The following RYR3 variants were observed in gnomAD, a reference collection of about 807,000 sequenced individuals.
RYR3 encodes ryanodine receptor 3.
Under a neutral mutation model 584.3 loss-of-function variants are expected in RYR3, and 207 were observed. The observed-to-expected ratio is 0.35, with a 90% CI of 0.32 to 0.40. The LOEUF (loss-of-function observed/expected upper bound fraction) is 0.40. Ranked by LOEUF, RYR3 falls within the 10% of genes least tolerant of loss-of-function variation. The pLI, the probability that RYR3 is intolerant of heterozygous loss-of-function variation, is 1.00. For missense variants in RYR3, 5,616 were observed against 6,089.2 expected, an observed-to-expected ratio of 0.92 and a Z score of 2.59; for synonymous variants, 2,416 against 2,248.5, an observed-to-expected ratio of 1.07 and a Z score of -2.11.
intron 1 of RYR3, among the ~76,000 whole-genome samples, chr15:33,316,828 A>C (rs939558224): frequency 1.3e-5 from 2 of 152,342 alleles, no homozygotes; most frequent in Admixed American, 1.3e-4. Flanking sequence ...AAACCAGCCC[A>C]GTTGCCGCCA....
chr15:33,629,004 G>T (rs1378163669), intron 21 of RYR3, among the ~76,000 whole-genome samples: 2 of 152,198 alleles, frequency 1.3e-5, no homozygotes, highest in Non-Finnish European at 2.9e-5. Flanking sequence ...CATGATTTGT[G>T]TAAGGTCATG....
intron 18 of RYR3, among the ~76,000 whole-genome samples, chr15:33,606,753 A>T (rs146002833): frequency 2.6e-5 from 4 of 152,172 alleles, no homozygotes; most frequent in African/African-American, 7.2e-5. Flanking sequence ...AATTCTGCTC[A>T]GAGCAGCCTA....
In RYR3 at chr15:33,823,745, G is replaced by A. The variant is rs570612376; in HGVS notation, c.11072+673G>A. Among the ~76,000 whole-genome samples, 3 of 152,226 alleles carry A rather than the reference G, an allele frequency of 2.0e-5. No individual in the cohort carries two copies. In the East Asian group the frequency reaches 5.8e-4, roughly 29 times the overall value. The stretch of plus-strand genomic sequence containing the variant: ...TGATACTTGCTGAATTCAGAGATGA[G>A]CCAGAATCTAAGAAAAGTGTCAGCT... On this transcript the variant is annotated intron_variant, in intron 81 of 103. Coordinates refer to ENST00000634891, the MANE Select transcript of RYR3 (RefSeq NM_001036.6).
chr15:33,552,113 C>G (rs926390315), intron 10 of RYR3, among the ~76,000 whole-genome samples: 2 of 152,122 alleles, frequency 1.3e-5, no homozygotes, highest in African/African-American at 4.8e-5. Flanking sequence ...AGGTCTTTAC[C>G]ATTTCAAAAA....
Position 33,603,197 on chromosome 15 carries a change from T to A in RYR3, c.1997T>A (p.Ile666Asn). The A allele has an allele frequency of 6.2e-7, 1 of 1,613,936 alleles. No individual in the cohort carries two copies. Among genetic ancestry groups the A allele is most frequent in the Non-Finnish European group, 8.5e-7 (1 of 1,179,848 alleles). ...QYKKWYFELI[I>N]DQVDPFLTAE... is the part of the protein sequence containing the mutation. ...AAGAAGTGGTACTTCGAGCTGATTA[T>A]CGACCAGGTGGACCCCTTCCTAACA... The change falls in exon 18 of 104, where the codon ATC (isoleucine) becomes AAC (asparagine). Residue 666 changes from isoleucine to asparagine, a missense_variant. Around this residue, in one of 9 missense-constraint regions of RYR3, gnomAD observed 1,284 missense variants for 1,344.6 expected, o/e 0.95. Coordinates refer to ENST00000634891, the MANE Select transcript of RYR3 (RefSeq NM_001036.6).
At chr15:33,784,784 C>T (rs545446455) in intron 65 of RYR3, among the ~76,000 whole-genome samples, 1 of 152,312 alleles carries the variant, frequency 6.6e-6, no homozygotes, top group East Asian at 1.9e-4. Flanking sequence ...AGGATGCTTC[C>T]AGTCTTCCTC....
chr15:33,449,366 G>A (rs1209375587), intron 1 of RYR3, among the ~76,000 whole-genome samples: 1 of 152,154 alleles, frequency 6.6e-6, no homozygotes, highest in Non-Finnish European at 1.5e-5. Flanking sequence ...GAGACAGAAA[G>A]AGGGGTCGTA....
intron 1 of RYR3, among the ~76,000 whole-genome samples, chr15:33,411,218 C>G (rs937526492): frequency 1.3e-5 from 2 of 152,130 alleles, no homozygotes; most frequent in Admixed American, 1.3e-4. Flanking sequence ...TTACCTAGGG[C>G]TGAAGTTGTC....
intron 1 of RYR3, among the ~76,000 whole-genome samples, chr15:33,320,534 A>T (rs150481107): frequency 2.0e-5 from 3 of 152,208 alleles, no homozygotes; most frequent in Non-Finnish European, 2.9e-5. Flanking sequence ...GCTCAGACTT[A>T]CTTTGAGGTA....
chr15:33,456,347 T>C (rs1473142211), intron 1 of RYR3, among the ~76,000 whole-genome samples: 1 of 151,560 alleles, frequency 6.6e-6, no homozygotes, highest in Non-Finnish European at 1.5e-5. Context: ...CACTGACTGT[T>C]TGTAGGCAGC....
intron 4 of RYR3, among the ~76,000 whole-genome samples, chr15:33,532,625 G>C (rs2054982112): frequency 6.6e-6 from 1 of 151,980 alleles, no homozygotes; most frequent in East Asian, 1.9e-4. Context: ...ATATAAAATA[G>C]CAGTATCAAA....
intron 1 of RYR3, among the ~76,000 whole-genome samples, chr15:33,339,449 G>A (rs1233328963): frequency 1.3e-5 from 2 of 152,224 alleles, no homozygotes; most frequent in Non-Finnish European, 2.9e-5. Context: ...TGGTAGCCAG[G>A]ATGAAGAAGA....
chr15:33,677,110 C>T (rs1050551082), intron 38 of RYR3, among the ~76,000 whole-genome samples: 2 of 152,090 alleles, frequency 1.3e-5, no homozygotes, highest in Admixed American at 6.5e-5. Flanking sequence ...AAAAATAATT[C>T]GGACAAAGTC....
intron 1 of RYR3, among the ~76,000 whole-genome samples, chr15:33,416,424 T>C (rs2043814267): frequency 6.6e-6 from 1 of 152,228 alleles, no homozygotes; most frequent in South Asian, 2.1e-4. Flanking sequence ...TATCTCATTG[T>C]GGTTTTTATT....
chr15:33,391,545 G>A (rs1359918825), intron 1 of RYR3, among the ~76,000 whole-genome samples: 1 of 151,050 alleles, frequency 6.6e-6, no homozygotes, highest in East Asian at 1.9e-4. Flanking sequence ...AGAATGACGT[G>A]AACCTGGGAG....
chr15:33,459,302 T>C (rs895131694), intron 1 of RYR3, among the ~76,000 whole-genome samples: 6 of 152,264 alleles, frequency 3.9e-5, no homozygotes, highest in Non-Finnish European at 7.3e-5. Flanking sequence ...AAATGAGTTA[T>C]ATCCCTTCCT....
chr15:33,633,134 T>A, intron 24 of RYR3, 26 bp downstream of exon 24: 1 of 1,608,290 alleles, frequency 6.2e-7, no homozygotes, highest in Non-Finnish European at 8.5e-7. Flanking sequence ...TCAGGCATGC[T>A]GGAAAACTTA....
intron 3 of RYR3, among the ~76,000 whole-genome samples, chr15:33,527,172 C>A (rs2054460756): frequency 6.6e-6 from 1 of 152,094 alleles, no homozygotes; most frequent in East Asian, 1.9e-4. Context: ...AGGCCAAATC[C>A]AGACTATGGC....
chr15:33,543,976 C>A (rs370981605), intron 8 of RYR3, among the ~76,000 whole-genome samples: 1 of 152,140 alleles, frequency 6.6e-6, no homozygotes, highest in African/African-American at 2.4e-5. Flanking sequence ...TGCACTTAAA[C>A]AAATTATTCA....
Sources: allele counts gnomAD v4.1 joint callset (sites outside exome capture counted in the v4.1 genomes callset), GRCh38; gene constraint gnomAD v4.1.1; regional missense constraint gnomAD v4.1.1; transcripts MANE v1.5; gene names NCBI Gene and HGNC (gene_info 2026-07-23, HGNC 2026-07-21).